The following PCDHGA1 variants were observed in gnomAD, a reference collection of about 807,000 sequenced individuals.
PCDHGA1 encodes the protein protocadherin gamma-A1.
A neutral mutation model predicts 58.0 loss-of-function variants in PCDHGA1; 32 were observed. That is an observed-to-expected ratio of 0.55 (90% CI 0.42 to 0.74). PCDHGA1 has a LOEUF of 0.74. Among genes scored for constraint, PCDHGA1 ranks in the 30% least tolerant of loss-of-function variants. The probability of loss-of-function intolerance (pLI) is 0.00; values close to 1 mark genes in which losing one functional copy is unlikely to be tolerated. For missense variants in PCDHGA1, 1,205 were observed against 1,182.3 expected (o/e 1.02, Z -0.28); for synonymous variants, 498 against 501.1 (o/e 0.99, Z 0.08).
intron 1 of PCDHGA1, chr5:141,365,372 A>T (rs1763874663): frequency 6.2e-7 from 1 of 1,613,798 alleles, no homozygotes; most frequent in African/African-American, 1.3e-5. Flanking sequence ...CCCCGAAGTG[A>T]TCCTCACCTC....
chr5:141,409,462 C>T (rs377705841), intron 1 of PCDHGA1: 3 of 1,613,988 alleles, frequency 1.9e-6, no homozygotes, highest in Non-Finnish European at 2.5e-6. Flanking sequence ...AATACAATGT[C>T]ACCATCGTAG....
In PCDHGA1 at chr5:141,330,607, T is replaced by C; in HGVS notation, c.-78T>C. 13 of 1,438,882 alleles carry C rather than the reference T, an allele frequency of 9.0e-6. No homozygotes were observed. Among genetic ancestry groups the C allele is most frequent in the Non-Finnish European group, 1.2e-5 (13 of 1,067,930 alleles). The allele number at this position is 1,438,882 out of a possible 1,614,324, so 89.1% of individuals were successfully genotyped here. A position where few individuals can be genotyped will look rare whatever the true frequency, so the allele number is the denominator to read the frequency against. On this transcript the variant is annotated 5_prime_UTR_variant, in exon 1 of 4. Coordinates refer to ENST00000517417, the MANE Select transcript of PCDHGA1 (RefSeq NM_018912.3). ...CTCCAGTCAGAATTCTCCTGAAAAT[T>C]GGGTTAATTTCAGCTCAGAAAAGCA...
In PCDHGA1 at chr5:141,491,607, T is replaced by G; in HGVS notation, c.2422-3200T>G. On this transcript the variant is annotated intron_variant, in intron 1 of 3. Coordinates refer to ENST00000517417, the MANE Select transcript of PCDHGA1 (RefSeq NM_018912.3). The surrounding 1 kb of genome is among the most constrained non-coding windows in gnomAD (Gnocchi z 6.9). ...CCTCGGACGGCAGTGACTTCACTTT[T>G]CTAAGACCCCTCAGCGTTCAGCAGC... 6.2e-7 allele frequency: 1 copy of G among 1,613,932 alleles called. No homozygotes were observed. The highest frequency in any genetic ancestry group is 1.1e-5 in the South Asian group (1 of 91,084).
chr5:141,446,353 T>C (rs1278613929), intron 1 of PCDHGA1, among the ~76,000 whole-genome samples: 2 of 152,176 alleles, frequency 1.3e-5, no homozygotes, highest in Non-Finnish European at 2.9e-5. Flanking sequence ...AAGCTACCAT[T>C]TGATGAGAAT....
In PCDHGA1 at chr5:141,428,425, T is replaced by A. The variant is rs1193842204; in HGVS notation, c.2422-66382T>A. ...GGGTTGCTTTCACCCTGGTCTCTGT[T>A]CTAAGACTAGACCAGGGGTTTTTCC... On this transcript the variant is annotated intron_variant, in intron 1 of 3. Transcript: ENST00000517417. 4 of 436,598 alleles carry A rather than the reference T, an allele frequency of 9.2e-6. No homozygotes were observed. In the East Asian group the frequency reaches 1.9e-4, roughly 21 times the overall value. 27.0% of individuals were successfully genotyped at this position (436,598 alleles called of 1,614,324 possible). A position where few individuals can be genotyped will look rare whatever the true frequency, so the allele number is the denominator to read the frequency against.
intron 2 of PCDHGA1, 36 bp from the exon 3 acceptor site, chr5:141,505,357 T>A (rs1026098450): frequency 6.2e-7 from 1 of 1,613,762 alleles, no homozygotes; most frequent in African/African-American, 1.3e-5. Context: ...TGTGCCGGCC[T>A]GGGAGTCTGT....
Position 141,334,899 on chromosome 5 carries a change from A to C in PCDHGA1, c.2421+1794A>C, listed in dbSNP as rs561847329. On this transcript the variant is annotated intron_variant, in intron 1 of 3. Coordinates refer to ENST00000517417, the MANE Select transcript of PCDHGA1 (RefSeq NM_018912.3). This position sits in a 1 kb window ranked among gnomAD's most constrained non-coding sequence, Gnocchi z 4.6. ...AGGAGAGAGGGATATAGTGTAGAAG[A>C]GAAAAAAACAAACTAAAACTAAAAA... Among the ~76,000 whole-genome samples, 5 of 152,334 alleles carry C rather than the reference A, an allele frequency of 3.3e-5. No individual in the cohort carries two copies. Among genetic ancestry groups the C allele is most frequent in the African/African-American group, 9.6e-5 (4 of 41,584 alleles).
At chr5:141,453,745 A>G (rs1208061874) in intron 1 of PCDHGA1, among the ~76,000 whole-genome samples, 1 of 152,264 alleles carries the variant, frequency 6.6e-6, no homozygotes, top group African/African-American at 2.4e-5. Context: ...CTTAAATAAC[A>G]TAAGTCTCCT....
intron 1 of PCDHGA1, chr5:141,430,951 C>T (rs200771871): frequency 3.2e-5 from 51 of 1,610,496 alleles, no homozygotes; most frequent in African/African-American, 1.5e-4. Context: ...AGCGCGGAGT[C>T]CGCATCATCC....
chr5:141,419,177 C>G (rs1223789288), intron 1 of PCDHGA1: 3 of 1,613,980 alleles, frequency 1.9e-6, no homozygotes, highest in Non-Finnish European at 2.5e-6. Flanking sequence ...AACCATAACC[C>G]TGCACATTAC....
At chr5:141,372,042 G>C in intron 1 of PCDHGA1, 1 of 1,613,478 alleles carries the variant, frequency 6.2e-7, no homozygotes, top group South Asian at 1.1e-5. Context: ...GAGCCTGCGC[G>C]TGTTGGTGGA....
intron 1 of PCDHGA1, chr5:141,427,590 C>G (rs768990626): frequency 5.9e-6 from 4 of 678,892 alleles, no homozygotes; most frequent in Non-Finnish European, 1.1e-5. Flanking sequence ...CAGCACAAGC[C>G]TCACCCTACG....
In PCDHGA1 at chr5:141,432,038, C is replaced by T. The variant is rs202246871; in HGVS notation, c.2422-62769C>T. ...CAACATCACAGTGACCGCCACTGAC[C>T]GGGGAACCCCGCCCCTATCCACGGA... On this transcript the variant is annotated intron_variant, in intron 1 of 3. Coordinates refer to ENST00000517417, the MANE Select transcript of PCDHGA1 (RefSeq NM_018912.3). The surrounding 1 kb of genome is among the most constrained non-coding windows in gnomAD (Gnocchi z 6.0). 15 of 1,614,190 alleles carry T rather than the reference C, an allele frequency of 9.3e-6. No individual in the cohort carries two copies. The African/African-American group carries it at 1.5e-4, about 16-fold the overall frequency.
chr5:141,447,533 G>T (rs2098541881), intron 1 of PCDHGA1, among the ~76,000 whole-genome samples: 1 of 152,120 alleles, frequency 6.6e-6, no homozygotes, highest in South Asian at 2.1e-4. Flanking sequence ...CAAAATTGTT[G>T]GGTTTTAATG....
chr5:141,439,211 A>G (rs1438403213), intron 1 of PCDHGA1, among the ~76,000 whole-genome samples: 1 of 151,666 alleles, frequency 6.6e-6, no homozygotes, highest in Non-Finnish European at 1.5e-5. Flanking sequence ...AAAAATCCAT[A>G]TGTGAAAATT....
chr5:141,371,323 AAG>A, intron 1 of PCDHGA1: 1 of 1,614,012 alleles, frequency 6.2e-7, no homozygotes, highest in Non-Finnish European at 8.5e-7. Context: ...CTGGACTTTG[AAG>A]AGAGAGATAG....
intron 1 of PCDHGA1, chr5:141,394,779 G>A (rs1561651112): frequency 6.2e-7 from 1 of 1,613,590 alleles, no homozygotes; most frequent in Admixed American, 1.7e-5. Context: ...CCCTCTCTCC[G>A]CCACTGTCAC....
chr5:141,444,406 G>A (rs1296878411), intron 1 of PCDHGA1, among the ~76,000 whole-genome samples: 1 of 151,874 alleles, frequency 6.6e-6, no homozygotes, highest in Non-Finnish European at 1.5e-5. Context: ...CCCAACCTCA[G>A]GTGATCTTCC....
At chr5:141,428,091 T>C (rs769710543) in intron 1 of PCDHGA1, 2 of 1,609,000 alleles carry the variant, frequency 1.2e-6, no homozygotes, top group East Asian at 2.2e-5. Flanking sequence ...CGCTTGGCTG[T>C]CCTACCACGT....
Sources: gnomAD v4.1 joint callset for allele counts (sites outside exome capture counted in the v4.1 genomes callset) on GRCh38, gnomAD v4.1.1 for gene constraint, Gnocchi (gnomAD v3.1) non-coding constraint, MANE v1.5 for transcripts, NCBI Gene and HGNC (gene_info 2026-07-23, HGNC 2026-07-21) for gene names.